Variants in DDX1 observed in about 807,000 individuals in gnomAD.
DDX1 encodes DEAD-box helicase 1.
DDX1 carries 28 observed loss-of-function variants against 108.7 expected under a neutral mutation model. The observed-to-expected ratio is 0.26, with a 90% CI of 0.19 to 0.35. The LOEUF is 0.35. DDX1 is among the 10% of genes least tolerant of loss of function. DDX1 has a pLI of 1.00. For missense variants in DDX1, 710 were observed against 884.5 expected, an observed-to-expected ratio of 0.80 and a Z score of 2.50; for synonymous variants, 295 against 288.9, an observed-to-expected ratio of 1.02 and a Z score of -0.21.
chr2:15,623,873 TATG>T (rs1458093253), intron 19 of DDX1, among the ~76,000 whole-genome samples: 2 of 151,874 alleles, frequency 1.3e-5, no homozygotes, highest in Admixed American at 6.6e-5. Context: ...AAATTTAAAA[TATG>T]ATCACTGAAA....
In DDX1 at chr2:15,620,311, T is replaced by C. The variant is rs376947292; in HGVS notation, c.1310T>C (p.Val437Ala). ...TWVDLKGEDS[V>A]PDTVHHVVVP... Reference sequence around the variant, plus strand: ...GTTGACTTAAAAGGAGAAGACTCTGTTCCAGATACTGTACACCATGTTGTT... The same window carrying C: ...GTTGACTTAAAAGGAGAAGACTCTGCTCCAGATACTGTACACCATGTTGTT... Residue 437 changes from valine (V) to alanine (A), a missense_variant, in exon 17 of 26, where the codon GTT becomes GCT. Physicochemically the swap from Val to Ala is moderately conservative, Grantham distance 64 (BLOSUM62 0). Coordinates refer to ENST00000233084, the MANE Select transcript of DDX1 (RefSeq NM_004939.3). The C allele has an allele frequency of 5.0e-6, 8 of 1,613,932 alleles. No homozygotes were observed. Among genetic ancestry groups the C allele is most frequent in the Non-Finnish European group, 6.8e-6 (8 of 1,179,940 alleles).
At chr2:15,611,249 T>C (rs1665748006) in intron 13 of DDX1, among the ~76,000 whole-genome samples, 2 of 151,512 alleles carry the variant, frequency 1.3e-5, no homozygotes, top group Admixed American at 6.6e-5. Context: ...TTTTTCTTAG[T>C]ACAGAACAAA....
At position 15,591,957 on chromosome 2, in the gene DDX1, T is replaced by G; in HGVS notation, c.16+8T>G. Reference sequence around the variant, plus strand: ...AGATGGCGGCCTTCTCCGGTGCGTTTGTGGAAACTCTGGGGGTGGTGGGGC... The same window carrying G: ...AGATGGCGGCCTTCTCCGGTGCGTTGGTGGAAACTCTGGGGGTGGTGGGGC... On this transcript the variant is annotated splice_region_variant and intron_variant, in intron 1 of 25. Transcript: ENST00000233084. The G allele has an allele frequency of 7.0e-7, 1 of 1,427,084 alleles. No individual in the cohort carries two copies. Among genetic ancestry groups the G allele is most frequent in the Non-Finnish European group, 9.2e-7 (1 of 1,089,224 alleles). 88.4% of individuals were successfully genotyped at this position (1,427,084 alleles called of 1,614,324 possible).
At chr2:15,629,759 C>A in intron 24 of DDX1, 62 bp downstream of exon 24, 1 of 1,301,556 alleles carries the variant, frequency 7.7e-7, no homozygotes, top group Non-Finnish European at 1.1e-6. Context: ...AAGCATTTAT[C>A]TTCAAAAATT....
At position 15,628,504 on chromosome 2, in the gene DDX1, C is replaced by T. The variant is rs774655550; in HGVS notation, c.1746C>T (p.His582=). The part of the protein sequence containing the change: ...TDVAARGIDI[H]GVPYVINVTL... ...TAGCTGCTAGAGGAATTGATATCCA[C>T]GGTGTTCCTTATGGTAAAAAGCAAC... is the stretch of plus-strand genomic sequence containing the variant. The change falls in exon 21 of 26, where the codon CAC becomes CAT. Residue 582 remains histidine (H), a synonymous_variant. Coordinates refer to ENST00000233084, the MANE Select transcript of DDX1 (RefSeq NM_004939.3). The T allele has an allele frequency of 4.7e-5, 76 of 1,612,724 alleles. No homozygotes were observed. The highest frequency in any genetic ancestry group is 6.2e-5 in the Non-Finnish European group (73 of 1,178,896).
At position 15,591,920 on chromosome 2, in the gene DDX1, A is replaced by C. The variant is rs201424043; in HGVS notation, c.-14A>C. 35 of 1,455,740 alleles carry C rather than the reference A, an allele frequency of 2.4e-5. No homozygotes were observed. Among genetic ancestry groups the C allele is most frequent in the Non-Finnish European group, 3.2e-5 (35 of 1,104,348 alleles). The allele number at this position is 1,455,740 out of a possible 1,614,324, so 90.2% of individuals were successfully genotyped here. A position where few individuals can be genotyped will look rare whatever the true frequency, so the allele number is the denominator to read the frequency against. ...AGGGAGCGAGCAGGCGAAGCCGCGG[A>C]GGACGGGGTGAAGATGGCGGCCTTC... On this transcript the variant is annotated 5_prime_UTR_variant, in exon 1 of 26. Coordinates refer to ENST00000233084, the MANE Select transcript of DDX1 (RefSeq NM_004939.3).
chr2:15,617,190 G>A (rs529407866), intron 14 of DDX1, 54 bp from the exon 15 acceptor site: 29 of 837,148 alleles, frequency 3.5e-5, no homozygotes, highest in East Asian at 1.5e-4. Flanking sequence ...CTATTTTAAC[G>A]TAATTATACT....
In DDX1 at chr2:15,628,529, C is replaced by A. The variant is rs1173424062; in HGVS notation, c.1759+12C>A. The A allele has an allele frequency of 6.2e-7, 1 of 1,608,488 alleles. No homozygotes were observed. Among genetic ancestry groups the A allele is most frequent in the Non-Finnish European group, 8.5e-7 (1 of 1,175,196 alleles). On this transcript the variant is annotated intron_variant, in intron 21 of 25. Transcript: ENST00000233084. ...CGGTGTTCCTTATGGTAAAAAGCAA[C>A]TTTTTATGCCTGTAGTGTGATTGTT...
intron 14 of DDX1, among the ~76,000 whole-genome samples, chr2:15,615,284 C>A (rs764438562): frequency 4.6e-5 from 7 of 152,272 alleles, no homozygotes; most frequent in Non-Finnish European, 8.8e-5. Flanking sequence ...GTCTCACAGG[C>A]TTTTCTGATC....
At chr2:15,602,060 G>A (rs1252441143) in intron 6 of DDX1, among the ~76,000 whole-genome samples, 1 of 152,180 alleles carries the variant, frequency 6.6e-6, no homozygotes, top group African/African-American at 2.4e-5. Context: ...ACAAGCTAGA[G>A]ACAGTTCTGT....
chr2:15,620,434 A>C (rs1461653608), intron 17 of DDX1, 38 bp downstream of exon 17: 2 of 1,521,146 alleles, frequency 1.3e-6, no homozygotes, highest in Non-Finnish European at 1.8e-6. Flanking sequence ...TGTAGAATAA[A>C]GCAATTTATA....
At chr2:15,611,557 G>C (rs1466155331) in intron 13 of DDX1, among the ~76,000 whole-genome samples, 2 of 126,384 alleles carry the variant, frequency 1.6e-5, no homozygotes, top group Admixed American at 7.8e-5. Context: ...CTGGCCGGGC[G>C]GGGGGCTGAC....
rs114641333 is a variant in DDX1 at position 15,595,442 on chromosome 2, C to A, written c.69-48C>A. On this transcript the variant is annotated intron_variant, in intron 2 of 25. Coordinates refer to ENST00000233084, the MANE Select transcript of DDX1 (RefSeq NM_004939.3). ...ATTAACGTGACTTAATTTGCTTAGG[C>A]GATTTTTTTCCCCAGTAACTAAAAT... The A allele has an allele frequency of 8.8e-4, 1,308 of 1,493,102 alleles. 12 individuals are homozygous for A. In the African/African-American group the frequency reaches 0.016, roughly 18 times the overall value. The allele number at this position is 1,493,102 out of a possible 1,614,324, so 92.5% of individuals were successfully genotyped here. A position where few individuals can be genotyped will look rare whatever the true frequency, so the allele number is the denominator to read the frequency against.
chr2:15,622,107 A>T (rs756748366), intron 18 of DDX1, among the ~76,000 whole-genome samples: 1 of 152,262 alleles, frequency 6.6e-6, no homozygotes, highest in Non-Finnish European at 1.5e-5. Flanking sequence ...CTTTAGCTAT[A>T]GCTTTGCAAA....
At chr2:15,621,142 G>A in intron 18 of DDX1, 26 bp downstream of exon 18, 1 of 1,541,302 alleles carries the variant, frequency 6.5e-7, no homozygotes, top group Non-Finnish European at 9.0e-7. Flanking sequence ...CAAATGTGTT[G>A]AAAGATTTTG....
At chr2:15,630,196 C>T in intron 25 of DDX1, 86 bp downstream of exon 25, 1 of 1,343,998 alleles carries the variant, frequency 7.4e-7, no homozygotes, top group Non-Finnish European at 1.1e-6. Context: ...ACTTTCATTT[C>T]ATTAGGTTAA....
intron 19 of DDX1, 104 bp downstream of exon 19, chr2:15,623,686 G>C (rs756395096): frequency 3.3e-6 from 3 of 901,944 alleles, no homozygotes; most frequent in Non-Finnish European, 5.2e-6. Flanking sequence ...ATTTAAAGCA[G>C]TTGATGGCAT....
At chr2:15,603,090 T>G in intron 7 of DDX1, 102 bp from the exon 8 acceptor site, 1 of 728,182 alleles carries the variant, frequency 1.4e-6, no homozygotes, top group East Asian at 2.6e-5. Flanking sequence ...ATTCTTCATT[T>G]GGTACATACC....
At chr2:15,595,020 A>G in intron 1 of DDX1, 125 bp from the exon 2 acceptor site, 1 of 666,892 alleles carries the variant, frequency 1.5e-6, no homozygotes, top group Non-Finnish European at 2.5e-6. Flanking sequence ...TGCCACGCTC[A>G]GTAGATTTGA....
Sources: gnomAD v4.1 joint callset for allele counts (sites outside exome capture counted in the v4.1 genomes callset) on GRCh38, gnomAD v4.1.1 for gene constraint, MANE v1.5 for transcripts, NCBI Gene and HGNC (gene_info 2026-07-23, HGNC 2026-07-21) for gene names.